The following ZNF675 variants were observed in gnomAD, a reference collection of about 807,000 sequenced individuals.
The protein encoded by ZNF675 is TRAF6 inhibitory zinc finger.
Under a neutral mutation model 56.1 loss-of-function variants are expected in ZNF675, and 36 were observed. The observed-to-expected ratio is 0.64, with a 90% CI of 0.49 to 0.85. ZNF675 has a LOEUF of 0.85. Ranked by LOEUF, ZNF675 falls within the 40% of genes least tolerant of loss-of-function variation. The pLI is 0.00. For missense variants in ZNF675, 663 were observed against 654.2 expected (o/e 1.01, Z -0.15); for synonymous variants, 200 against 218.9 (o/e 0.91, Z 0.76).
At position 23,669,452 on chromosome 19, in the gene ZNF675, A is replaced by T. The variant is rs1350257098; in HGVS notation, c.4-6294T>A. On this transcript the variant is annotated intron_variant, in intron 1 of 3. Coordinates refer to ENST00000359788, the MANE Select transcript of ZNF675 (RefSeq NM_138330.3). ...GTTATATAAGTCAGAGGGTCCAAGC[A>T]TGTTGCAGGTGGTCTCTGAGGTGCA... 2.1e-5 allele frequency among the ~76,000 whole-genome samples: 3 copies of T among 141,344 alleles called. No homozygotes were observed. In the East Asian group the frequency reaches 7.5e-4, roughly 36 times the overall value. The allele number at this position is 141,344 out of a possible 152,430, so 92.7% of individuals were successfully genotyped here.
At chr19:23,670,278 T>C (rs745675122) in intron 1 of ZNF675, among the ~76,000 whole-genome samples, 3 of 152,158 alleles carry the variant, frequency 2.0e-5, no homozygotes, top group Non-Finnish European at 4.4e-5. Context: ...TATGAGCTGC[T>C]CAGTTCAGAA....
intron 1 of ZNF675, among the ~76,000 whole-genome samples, chr19:23,664,859 G>A (rs573912471): frequency 4.6e-5 from 7 of 152,164 alleles, no homozygotes; most frequent in Non-Finnish European, 7.3e-5. Context: ...GCAGAGGCAG[G>A]AGAATCGTTT....
chr19:23,686,338 T>TA (rs1437270756), intron 1 of ZNF675: 1 of 152,130 alleles, frequency 6.6e-6, no homozygotes, highest in Non-Finnish European at 1.5e-5. Context: ...TATTTATATA[T>TA]TTTTTAAGAC....
intron 3 of ZNF675, among the ~76,000 whole-genome samples, chr19:23,660,817 A>C (rs1286034807): frequency 6.6e-6 from 1 of 152,200 alleles, no homozygotes; most frequent in Non-Finnish European, 1.5e-5. Flanking sequence ...TTTGTTTTTC[A>C]CAGTAATAAA....
chr19:23,681,353 G>T (rs924938922), intron 1 of ZNF675, among the ~76,000 whole-genome samples: 1 of 151,630 alleles, frequency 6.6e-6, no homozygotes, highest in East Asian at 1.9e-4. Flanking sequence ...GTGAGTGGGT[G>T]GAAATCTTGT....
At chr19:23,685,490 G>C (rs1968431838) in intron 1 of ZNF675, among the ~76,000 whole-genome samples, 1 of 152,196 alleles carries the variant, frequency 6.6e-6, no homozygotes, top group Non-Finnish European at 1.5e-5. Context: ...GAAGGTGGCT[G>C]AGGCCACATC....
chr19:23,681,438 G>C (rs1359453832), intron 1 of ZNF675, among the ~76,000 whole-genome samples: 1 of 151,574 alleles, frequency 6.6e-6, no homozygotes, highest in East Asian at 1.9e-4. Context: ...CCTCACCCTT[G>C]GAGGAGACCT....
chr19:23,660,116 A>T (rs527865893), intron 3 of ZNF675, among the ~76,000 whole-genome samples: 7 of 152,092 alleles, frequency 4.6e-5, no homozygotes, highest in Admixed American at 4.6e-4. Flanking sequence ...GGGAATTTAA[A>T]CTACCCAAGT....
At chr19:23,671,426 A>G (rs543459884) in intron 1 of ZNF675, among the ~76,000 whole-genome samples, 2 of 152,200 alleles carry the variant, frequency 1.3e-5, no homozygotes, top group Non-Finnish European at 2.9e-5. Context: ...CTGAAGGGCC[A>G]TAAAGATAAA....
At chr19:23,677,145 C>T (rs1033748320) in intron 1 of ZNF675, among the ~76,000 whole-genome samples, 1 of 151,050 alleles carries the variant, frequency 6.6e-6, no homozygotes, top group African/African-American at 2.5e-5. Context: ...TGCCTTCTCT[C>T]ACCACTCCTA....
intron 1 of ZNF675, among the ~76,000 whole-genome samples, chr19:23,673,009 A>T (rs1348365382): frequency 6.6e-6 from 1 of 152,222 alleles, no homozygotes; most frequent in Admixed American, 6.5e-5. Context: ...TTTAATTCAC[A>T]GCTACTGGTG....
chr19:23,660,360 CA>C (rs1968059701), intron 3 of ZNF675, among the ~76,000 whole-genome samples: 1 of 152,170 alleles, frequency 6.6e-6, no homozygotes, highest in African/African-American at 2.4e-5. Flanking sequence ...GCTAGTTTAA[CA>C]TAACACTGAA....
At chr19:23,661,157 A>G (rs562018229) in intron 3 of ZNF675, among the ~76,000 whole-genome samples, 1 of 152,126 alleles carries the variant, frequency 6.6e-6, no homozygotes, top group East Asian at 2.0e-4. Context: ...CAAACTGCTG[A>G]ATCAAAAGAA....
chr19:23,674,344 A>G lies in ZNF675; in HGVS notation c.4-11186T>C, dbSNP rs989233702. Among the ~76,000 whole-genome samples the G allele has an allele frequency of 9.2e-5, 14 of 151,854 alleles. 1 individual carries two copies. The highest frequency in any genetic ancestry group is 3.4e-4 in the African/African-American group (14 of 41,136). On this transcript the variant is annotated intron_variant, in intron 1 of 3. Coordinates refer to ENST00000359788, the MANE Select transcript of ZNF675 (RefSeq NM_138330.3). ...ATATCTACATATAACCTAAATGCTT[A>G]AAGAAGTGAGAGATGGGCAGGCCAC...
At chr19:23,671,546 C>A (rs1235278550) in intron 1 of ZNF675, among the ~76,000 whole-genome samples, 1 of 151,908 alleles carries the variant, frequency 6.6e-6, no homozygotes, top group Non-Finnish European at 1.5e-5. Context: ...AGTCATTACC[C>A]CTGGAGAACT....
chr19:23,662,621 C>A (rs1383373981), intron 2 of ZNF675, among the ~76,000 whole-genome samples: 2 of 152,162 alleles, frequency 1.3e-5, no homozygotes, highest in African/African-American at 4.8e-5. Flanking sequence ...CTCATTTATG[C>A]AAAGCATACA....
Position 23,662,137 on chromosome 19 carries a change from T to G in ZNF675, c.203A>C (p.His68Pro), listed in dbSNP as rs1216245378. The stretch of plus-strand genomic sequence containing the variant: ...ACCTGGGGGTTCATTCACCATCTCA[T>G]GTCTCTTCACAGTCAAAGGCTCTTT... The part of the protein sequence containing the change: ...QEKEPLTVKR[H>P]EMVNEPPVMC... Residue 68 changes from histidine to proline, a missense_variant, in exon 3 of 4, where the codon CAT becomes CCT. Physicochemically the swap from His to Pro is moderately conservative, Grantham distance 77. This residue lies in a region of ZNF675 where 617 missense variants were observed against 590.5 expected (regional missense o/e 1.04). Coordinates refer to ENST00000359788, the MANE Select transcript of ZNF675 (RefSeq NM_138330.3). 4 of 1,613,734 alleles carry G rather than the reference T, an allele frequency of 2.5e-6. No homozygotes were observed. The highest frequency in any genetic ancestry group is 1.7e-4 in the Middle Eastern group (1 of 6,060).
intron 3 of ZNF675, among the ~76,000 whole-genome samples, chr19:23,659,586 G>C (rs961832624): frequency 1.3e-5 from 2 of 152,168 alleles, no homozygotes; most frequent in Admixed American, 6.5e-5. Context: ...GAGAGAGAGG[G>C]AGTTGTGGAA....
Position 23,654,183 on chromosome 19 carries a change from A to G in ZNF675, c.750T>C (p.Tyr250=), listed in dbSNP as rs1967950546. The change falls in exon 4 of 4, where the codon TAT becomes TAC. Residue 250 remains tyrosine, a synonymous_variant. Transcript: ENST00000359788. ...FSNLTEYKKD[Y]AREKPYKCEE... ...CACATTTGTATGGTTTCTCTCGAGC[A>G]TAATCTTTTTTATATTCAGTAAGGT... is the stretch of plus-strand genomic sequence containing the variant. 6.2e-7 allele frequency: 1 copy of G among 1,613,956 alleles called. No homozygotes were observed. Among genetic ancestry groups the G allele is most frequent in the Non-Finnish European group, 8.5e-7 (1 of 1,180,008 alleles).
Sources: gnomAD v4.1 joint callset for allele counts (sites outside exome capture counted in the v4.1 genomes callset) on GRCh38, gnomAD v4.1.1 for gene constraint, gnomAD v4.1.1 regional missense constraint, MANE v1.5 for transcripts, NCBI Gene and HGNC (gene_info 2026-07-23, HGNC 2026-07-21) for gene names.